Variants in ADAMTSL1 observed in about 807,000 individuals in gnomAD.
ADAMTSL1 encodes the protein ADAMTS-like protein 1.
ADAMTSL1 carries 126 observed loss-of-function variants against 201.8 expected under a neutral mutation model. The ratio of observed to expected loss-of-function variants is 0.62; its 90% CI spans 0.54 to 0.72. The LOEUF is 0.72. Among genes scored for constraint, ADAMTSL1 ranks in the 30% least tolerant of loss-of-function variants. ADAMTSL1 has a pLI of 0.00. For missense variants in ADAMTSL1, 2,679 were observed against 2,277.8 expected, an observed-to-expected ratio of 1.18 and a Z score of -3.59; for synonymous variants, 1,121 against 903.4, an observed-to-expected ratio of 1.24 and a Z score of -4.32.
At chr9:18,165,733 A>T (rs1362445935) in intron 2 of ADAMTSL1, among the ~76,000 whole-genome samples, 3 of 151,960 alleles carry the variant, frequency 2.0e-5, no homozygotes, top group Non-Finnish European at 2.9e-5. Flanking sequence ...TCAGTCTCCC[A>T]ATAAGTGTGT....
chr9:18,267,267 T>C (rs1022011543), intron 2 of ADAMTSL1, among the ~76,000 whole-genome samples: 11 of 152,174 alleles, frequency 7.2e-5, no homozygotes, highest in African/African-American at 2.7e-4. Flanking sequence ...TGCAACGATT[T>C]CTTACTTCAT....
At chr9:18,197,268 G>A (rs1829222100) in intron 2 of ADAMTSL1, among the ~76,000 whole-genome samples, 2 of 152,108 alleles carry the variant, frequency 1.3e-5, no homozygotes, top group Admixed American at 6.6e-5. Flanking sequence ...ATTACCTTGG[G>A]CAGTATGGCC....
chr9:18,535,692 A>C (rs1587488932), intron 3 of ADAMTSL1, among the ~76,000 whole-genome samples: 1 of 152,314 alleles, frequency 6.6e-6, no homozygotes, highest in African/African-American at 2.4e-5. Flanking sequence ...TGGGGATTGT[A>C]AGTAGGAAAC....
intron 4 of ADAMTSL1, among the ~76,000 whole-genome samples, chr9:18,580,598 C>T (rs1369615860): frequency 6.6e-6 from 1 of 152,162 alleles, no homozygotes; most frequent in Non-Finnish European, 1.5e-5. Flanking sequence ...TCCTTAGTTT[C>T]TGAATCTTGT....
chr9:18,031,874 G>C (rs1820972109), intron 1 of ADAMTSL1, among the ~76,000 whole-genome samples: 1 of 152,192 alleles, frequency 6.6e-6, no homozygotes, highest in Non-Finnish European at 1.5e-5. Flanking sequence ...TCTGTGAGTG[G>C]TCTGATGATA....
At chr9:17,976,467 A>G (rs1352067556) in intron 1 of ADAMTSL1, among the ~76,000 whole-genome samples, 1 of 151,862 alleles carries the variant, frequency 6.6e-6, no homozygotes, top group Admixed American at 6.6e-5. Context: ...GTTCCTAAGT[A>G]TCACATTCTT....
At chr9:18,536,206 A>G (rs1238910259) in intron 3 of ADAMTSL1, among the ~76,000 whole-genome samples, 1 of 152,184 alleles carries the variant, frequency 6.6e-6, no homozygotes, top group Non-Finnish European at 1.5e-5. Context: ...GTTTAGAACA[A>G]TTCAGTTAAA....
chr9:18,194,884 G>C (rs1006541898), intron 2 of ADAMTSL1, among the ~76,000 whole-genome samples: 2 of 151,992 alleles, frequency 1.3e-5, no homozygotes, highest in African/African-American at 2.4e-5. Context: ...CTTTGATTAA[G>C]GTACTTGACA....
At chr9:18,423,312 G>C (rs1819046985) in intron 2 of ADAMTSL1, among the ~76,000 whole-genome samples, 1 of 152,130 alleles carries the variant, frequency 6.6e-6, no homozygotes, top group Admixed American at 6.6e-5. Context: ...TTTTAACCTT[G>C]TTATATGACA....
At chr9:17,932,707 G>A (rs58480187) in intron 1 of ADAMTSL1, among the ~76,000 whole-genome samples, 1 of 152,146 alleles carries the variant, frequency 6.6e-6, no homozygotes, top group East Asian at 1.9e-4. Context: ...CTTTAGTGCA[G>A]GCTATCCTGG....
At chr9:18,520,132 C>T (rs534522500) in intron 2 of ADAMTSL1, among the ~76,000 whole-genome samples, 3 of 152,268 alleles carry the variant, frequency 2.0e-5, no homozygotes, top group East Asian at 3.9e-4. Flanking sequence ...CACAATTCAG[C>T]CTATAATATT....
chr9:18,314,841 G>GGCT (rs1834308633), intron 2 of ADAMTSL1, among the ~76,000 whole-genome samples: 1 of 118,150 alleles, frequency 8.5e-6, no homozygotes. Flanking sequence ...CTGTCGCCCA[G>GGCT]GCTGGAGTGC....
At chr9:18,642,122 G>C (rs1827482683) in intron 7 of ADAMTSL1, among the ~76,000 whole-genome samples, 1 of 151,924 alleles carries the variant, frequency 6.6e-6, no homozygotes, top group Non-Finnish European at 1.5e-5. Flanking sequence ...ACATACAGCA[G>C]AAAGCCATCA....
intron 2 of ADAMTSL1, among the ~76,000 whole-genome samples, chr9:18,175,265 A>G (rs949805596): frequency 6.6e-6 from 1 of 152,192 alleles, no homozygotes; most frequent in African/African-American, 2.4e-5. Context: ...TTCAAATTTG[A>G]TATTTAATGG....
At chr9:17,973,895 G>A (rs1393392240) in intron 1 of ADAMTSL1, among the ~76,000 whole-genome samples, 1 of 149,568 alleles carries the variant, frequency 6.7e-6, no homozygotes, top group Non-Finnish European at 1.5e-5. Flanking sequence ...CTTGTAAGTT[G>A]GATTTCTAGG....
intron 1 of ADAMTSL1, among the ~76,000 whole-genome samples, chr9:17,977,758 G>C (rs904249443): frequency 2.0e-5 from 3 of 152,020 alleles, no homozygotes; most frequent in African/African-American, 4.8e-5. Flanking sequence ...TCTTGAAGAA[G>C]ATGTATTTTC....
chr9:18,804,595 A>G (rs999014143), intron 20 of ADAMTSL1, among the ~76,000 whole-genome samples: 4 of 152,242 alleles, frequency 2.6e-5, no homozygotes, highest in Non-Finnish European at 4.4e-5. Context: ...AGGAATAGTA[A>G]TGGAACATTA....
chr9:18,391,384 A>G (rs567228800), intron 2 of ADAMTSL1, among the ~76,000 whole-genome samples: 1 of 152,292 alleles, frequency 6.6e-6, no homozygotes, highest in African/African-American at 2.4e-5. Context: ...TATTTATTCT[A>G]TAATGGAAAT....
At chr9:18,730,271 C>T (rs1368553590) in intron 15 of ADAMTSL1, among the ~76,000 whole-genome samples, 1 of 152,118 alleles carries the variant, frequency 6.6e-6, no homozygotes, top group African/African-American at 2.4e-5. Flanking sequence ...GTTCCTTAAA[C>T]TTGGAAAACA....
Sources: allele counts gnomAD v4.1 joint callset (sites outside exome capture counted in the v4.1 genomes callset), GRCh38; gene constraint gnomAD v4.1.1; transcripts MANE v1.5; gene names NCBI Gene and HGNC (gene_info 2026-07-23, HGNC 2026-07-21).